PDGFRA: variants seen among roughly 807,000 people sequenced by gnomAD.
PDGFRA encodes platelet-derived growth factor receptor alpha.
Under a neutral mutation model 121.5 loss-of-function variants are expected in PDGFRA, and 25 were observed. The ratio of observed to expected loss-of-function variants is 0.21; its 90% confidence interval spans 0.15 to 0.29. PDGFRA has a LOEUF of 0.29. Among genes scored for constraint, PDGFRA ranks in the 10% least tolerant of loss-of-function variants. The pLI, the probability that PDGFRA is intolerant of heterozygous loss-of-function variation, is 1.00. For synonymous variants in PDGFRA, 463 were observed against 494.8 expected (o/e 0.94, Z 0.85); for missense variants, 1,008 against 1,345.1 (o/e 0.75, Z 3.92).
intron 2 of PDGFRA, among the ~76,000 whole-genome samples, chr4:54,260,656 C>T (rs1722649505): frequency 6.6e-6 from 1 of 152,072 alleles, no homozygotes; most frequent in South Asian, 2.1e-4. Context: ...GATCCTCCCA[C>T]TTCCACCTCA....
At chr4:54,259,807 G>A (rs947241592) in intron 2 of PDGFRA, among the ~76,000 whole-genome samples, 1 of 152,072 alleles carries the variant, frequency 6.6e-6, no homozygotes, top group Non-Finnish European at 1.5e-5. Flanking sequence ...ATTGAAGTTG[G>A]GTGGGAGTCT....
intron 16 of PDGFRA, among the ~76,000 whole-genome samples, chr4:54,283,889 C>T (rs1041354060): frequency 1.3e-5 from 2 of 152,226 alleles, no homozygotes; most frequent in African/African-American, 4.8e-5. Context: ...GTGTGAGCCA[C>T]TGCGCCCAGC....
chr4:54,276,624 G>C (rs912282846), intron 12 of PDGFRA: 1 of 152,252 alleles, frequency 6.6e-6, no homozygotes, highest in African/African-American at 2.4e-5. Flanking sequence ...AGGCATTGCT[G>C]GTGAAGCAAT....
chr4:54,248,943 A>T (rs1245790948), intron 1 of PDGFRA, among the ~76,000 whole-genome samples: 3 of 152,300 alleles, frequency 2.0e-5, no homozygotes, highest in Non-Finnish European at 2.9e-5. Flanking sequence ...AAGACATTTA[A>T]GCAGCCAAAA....
rs752884270 is a variant in PDGFRA, at chr4:54,278,471, G to A, written c.2112G>A (p.Glu704=). ...LSHHPEKPKK[E]LDIFGLNPAD... is the part of the protein sequence containing the mutation. ...ACCACCCAGAGAAGCCAAAGAAAGA[G>A]CTGGATATCTTTGGATTGAACCCTG... The change falls in exon 15 of 23, where the codon GAG becomes GAA. Residue 704 remains glutamate (E), a synonymous_variant. Coordinates refer to ENST00000257290, the MANE Select transcript of PDGFRA (RefSeq NM_006206.6). 2 of 1,613,906 alleles carry A rather than the reference G, an allele frequency of 1.2e-6. No individual in the cohort carries two copies. The highest frequency in any genetic ancestry group is 1.7e-5 in the Admixed American group (1 of 59,996).
chr4:54,246,321 A>G (rs1415156580), intron 1 of PDGFRA, among the ~76,000 whole-genome samples: 1 of 152,204 alleles, frequency 6.6e-6, no homozygotes, highest in African/African-American at 2.4e-5. Flanking sequence ...TTGGAAGTAA[A>G]GCACTCCTCA....
In PDGFRA at chr4:54,296,247, A is replaced by T. The variant is rs1379814022; in HGVS notation, c.*975A>T. 3 of 232,906 alleles carry T rather than the reference A, an allele frequency of 1.3e-5. No homozygotes were observed. Among genetic ancestry groups the T allele is most frequent in the Non-Finnish European group, 2.5e-5 (3 of 117,924 alleles). The allele number at this position is 232,906 out of a possible 1,614,324, so 14.4% of individuals were successfully genotyped here. A position where few individuals can be genotyped will look rare whatever the true frequency, so the allele number is the denominator to read the frequency against. On this transcript the variant is annotated 3_prime_UTR_variant, in exon 23 of 23. Coordinates refer to ENST00000257290, the MANE Select transcript of PDGFRA (RefSeq NM_006206.6). ...TGAAATAATGGGATTAGAAACAAAC[A>T]AAACTCTTAAGTCCTAAAAGTTCTC... is the stretch of plus-strand genomic sequence containing the variant.
At chr4:54,253,392 A>T (rs913326459) in intron 1 of PDGFRA, among the ~76,000 whole-genome samples, 59 of 152,342 alleles carry the variant, frequency 3.9e-4, no homozygotes, top group African/African-American at 1.4e-3. Flanking sequence ...AGTGTCAGAT[A>T]TGGGATCAGT....
intron 1 of PDGFRA, among the ~76,000 whole-genome samples, chr4:54,233,109 C>T (rs552791805): frequency 2.0e-5 from 3 of 150,064 alleles, no homozygotes; most frequent in African/African-American, 7.3e-5. Context: ...CAGTTGAAAA[C>T]AATGCAAACG....
intron 2 of PDGFRA, among the ~76,000 whole-genome samples, chr4:54,260,160 G>T (rs567111220): frequency 3.7e-4 from 56 of 152,122 alleles, no homozygotes; most frequent in Non-Finnish European, 7.2e-4. Flanking sequence ...ATTAAAATCC[G>T]TATCATCTGG....
At chr4:54,261,032 A>G in intron 2 of PDGFRA, 63 bp from the exon 3 acceptor site, 5 of 1,419,586 alleles carry the variant, frequency 3.5e-6, no homozygotes, top group Non-Finnish European at 5.0e-6. Flanking sequence ...TGCTTCTCTC[A>G]GTTGTCGGGA....
intron 12 of PDGFRA, among the ~76,000 whole-genome samples, chr4:54,275,243 C>G (rs995571527): frequency 6.6e-6 from 1 of 152,082 alleles, no homozygotes; most frequent in South Asian, 2.1e-4. Flanking sequence ...AAGATACCCA[C>G]CAAAATTGCT....
intron 3 of PDGFRA, among the ~76,000 whole-genome samples, chr4:54,262,962 C>T (rs989423779): frequency 2.0e-5 from 3 of 152,152 alleles, no homozygotes; most frequent in African/African-American, 4.8e-5. Flanking sequence ...ATCATGCAGA[C>T]GTAGGGGCCC....
intron 19 of PDGFRA, 151 bp downstream of exon 19, chr4:54,287,692 T>C: frequency 2.8e-6 from 2 of 703,306 alleles, no homozygotes; most frequent in South Asian, 3.0e-5. Flanking sequence ...ATGTTGTGCC[T>C]TATTGTGTCT....
intron 1 of PDGFRA, among the ~76,000 whole-genome samples, chr4:54,252,547 T>C (rs1354617001): frequency 6.6e-6 from 1 of 152,142 alleles, no homozygotes; most frequent in African/African-American, 2.4e-5. Flanking sequence ...TGCACTTGGG[T>C]TGTCTGGGCT....
At chr4:54,266,796 T>C (rs563127523) in intron 5 of PDGFRA, among the ~76,000 whole-genome samples, 7 of 152,076 alleles carry the variant, frequency 4.6e-5, no homozygotes, top group African/African-American at 9.6e-5. Context: ...GCCTGGGCAA[T>C]GTATCAAGAC....
intron 8 of PDGFRA, among the ~76,000 whole-genome samples, chr4:54,271,597 T>C (rs1054450137): frequency 1.4e-5 from 2 of 145,090 alleles, no homozygotes; most frequent in African/African-American, 2.5e-5. Flanking sequence ...TCCCTTGTTA[T>C]CTCTTTTCCT....
chr4:54,265,169 C>A, intron 5 of PDGFRA, 120 bp downstream of exon 5: 1 of 928,894 alleles, frequency 1.1e-6, no homozygotes, highest in Non-Finnish European at 1.8e-6. Context: ...CCTTAGCTTC[C>A]CACCTCTGGG....
rs1207595829 is a variant in PDGFRA at position 54,263,820 on chromosome 4, G to A, written c.521G>A (p.Ser174Asn). ...GGGGTGGTACCTGCCTCCTACGACA[G>A]CAGACAGGGCTTTAATGGGACCTTC... ...SEGVVPASYD[S>N]RQGFNGTFTV... The change falls in exon 4 of 23, where the codon AGC (serine) becomes AAC (asparagine). Residue 174 changes from serine (S) to asparagine (N), a missense_variant. By Grantham distance (46) the Ser-to-Asn change is conservative (BLOSUM62 1). Transcript: ENST00000257290. 1.2e-6 allele frequency: 2 copies of A among 1,614,036 alleles called. No individual in the cohort carries two copies. Among genetic ancestry groups the A allele is most frequent in the South Asian group, 2.2e-5 (2 of 91,074 alleles).
Sources: gnomAD v4.1 joint callset for allele counts (sites outside exome capture counted in the v4.1 genomes callset) on GRCh38, gnomAD v4.1.1 for gene constraint, MANE v1.5 for transcripts, NCBI Gene and HGNC (gene_info 2026-07-23, HGNC 2026-07-21) for gene names.